COL23A1: variants seen among roughly 807,000 people sequenced by gnomAD.
The protein encoded by COL23A1 is collagen alpha-1(XXIII) chain.
In COL23A1, 97 loss-of-function variants were observed where a neutral mutation model predicts 99.3. That is an observed-to-expected ratio of 0.98 (90% CI 0.83 to 1.16). The LOEUF (loss-of-function observed/expected upper bound fraction) is 1.16. Ranked by LOEUF, COL23A1 falls within the 50% of genes most tolerant of loss-of-function variation. COL23A1 has a pLI of 0.00. For synonymous variants in COL23A1, 320 were observed against 308.2 expected (o/e 1.04, Z -0.40); for missense variants, 762 against 757.4 (o/e 1.01, Z -0.07).
chr5:178,344,987 A>G (rs1760881054), intron 2 of COL23A1: 1 of 583,682 alleles, frequency 1.7e-6, no homozygotes, highest in Non-Finnish European at 3.3e-6. Flanking sequence ...AAAGGAACCT[A>G]TTGCAGTGTG....
At chr5:178,569,663 G>C (rs1271458431) in intron 1 of COL23A1, among the ~76,000 whole-genome samples, 1 of 152,196 alleles carries the variant, frequency 6.6e-6, no homozygotes, top group Non-Finnish European at 1.5e-5. Context: ...AGGTTCTCGA[G>C]GCTGAAATCA....
chr5:178,386,038 A>T (rs1422900855), intron 2 of COL23A1, among the ~76,000 whole-genome samples: 3 of 152,330 alleles, frequency 2.0e-5, no homozygotes, highest in Non-Finnish European at 2.9e-5. Flanking sequence ...CAGCAGCATT[A>T]ATAGGCAGCT....
At chr5:178,548,041 C>CAAA (rs1761800737) in intron 2 of COL23A1, among the ~76,000 whole-genome samples, 2 of 32,622 alleles carry the variant, frequency 6.1e-5, no homozygotes, top group Non-Finnish European at 1.5e-4. Flanking sequence ...ACACCCACCC[C>CAAA]CACACCCACA....
chr5:178,414,519 C>T (rs1313685131), intron 2 of COL23A1, among the ~76,000 whole-genome samples: 1 of 152,104 alleles, frequency 6.6e-6, no homozygotes, highest in Non-Finnish European at 1.5e-5. Flanking sequence ...CGCCTGTGAT[C>T]CCAGCACTGT....
intron 6 of COL23A1, among the ~76,000 whole-genome samples, chr5:178,269,116 C>T (rs1756076936): frequency 6.6e-6 from 1 of 152,130 alleles, no homozygotes. Context: ...ACCACTGCCC[C>T]CAAGCCATCT....
At position 178,251,906 on chromosome 5, in the gene COL23A1, T is replaced by TTCC. The variant is rs1442967073; in HGVS notation, c.1014+637_1014+638insGGA. ...TTTCTTTCTCTCTCTTTCATTTTCT[T>TTCC]TTCTTTTTTTTTTTTTTTTATTTTG... On this transcript the variant is annotated intron_variant, in intron 17 of 28. Coordinates refer to ENST00000390654, the MANE Select transcript of COL23A1 (RefSeq NM_173465.4). Among the ~76,000 whole-genome samples the TTCC allele has an allele frequency of 4.3e-3, 458 of 106,086 alleles. 1 individual carries two copies. Among genetic ancestry groups the TTCC allele is most frequent in the African/African-American group, 0.013 (417 of 31,748 alleles). 69.6% of individuals were successfully genotyped at this position (106,086 alleles called of 152,430 possible). A position where few individuals can be genotyped will look rare whatever the true frequency, so the allele number is the denominator to read the frequency against.
At chr5:178,270,999 T>G (rs552547032) in intron 5 of COL23A1, among the ~76,000 whole-genome samples, 1 of 152,330 alleles carries the variant, frequency 6.6e-6, no homozygotes, top group South Asian at 2.1e-4. Context: ...CTTCCCACAT[T>G]GCTGCAGCCT....
At position 178,281,556 on chromosome 5, in the gene COL23A1, C is replaced by T. The variant is rs1037325971; in HGVS notation, c.441+6768G>A. Among the ~76,000 whole-genome samples, 2 of 152,114 alleles carry T rather than the reference C, an allele frequency of 1.3e-5. No individual in the cohort carries two copies. The highest frequency in any genetic ancestry group is 6.5e-5 in the Admixed American group (1 of 15,270). ...GCTCCGGGGCCCAGGAGGTGCCGTG[C>T]GTGTGGTTTTGGGTGTGCTCAGAGC... On this transcript the variant is annotated intron_variant, in intron 5 of 28. Transcript: ENST00000390654. The surrounding 1 kb of genome is among the most constrained non-coding windows in gnomAD (Gnocchi z 4.0).
At chr5:178,323,462 G>C (rs566479655) in intron 2 of COL23A1, among the ~76,000 whole-genome samples, 3 of 152,268 alleles carry the variant, frequency 2.0e-5, no homozygotes, top group Non-Finnish European at 4.4e-5. Context: ...GGTCTCCCCA[G>C]ACACAAGCAG....
chr5:178,424,518 T>A (rs1304477497), intron 2 of COL23A1, among the ~76,000 whole-genome samples: 2 of 152,192 alleles, frequency 1.3e-5, no homozygotes, highest in Non-Finnish European at 1.5e-5. Context: ...GAACACTTCA[T>A]GCTCTTCTCT....
intron 11 of COL23A1, among the ~76,000 whole-genome samples, chr5:178,261,045 A>G (rs1477619270): frequency 6.6e-6 from 1 of 152,192 alleles, no homozygotes; most frequent in African/African-American, 2.4e-5. Context: ...GGATGTCCAC[A>G]GCGGGGGAGG....
At chr5:178,380,682 G>C (rs116586704) in intron 2 of COL23A1, among the ~76,000 whole-genome samples, 2,900 of 152,298 alleles carry the variant, frequency 0.019, 99 homozygotes, top group African/African-American at 0.066. Flanking sequence ...TGAACAGCAC[G>C]GCCCTGGCTA....
At chr5:178,445,944 G>A (rs536382042) in intron 2 of COL23A1, among the ~76,000 whole-genome samples, 1 of 152,234 alleles carries the variant, frequency 6.6e-6, no homozygotes, top group South Asian at 2.1e-4. Flanking sequence ...CCTGGAAGGG[G>A]CTGAAATGTC....
intron 1 of COL23A1, among the ~76,000 whole-genome samples, chr5:178,568,456 CATA>C (rs563280280): frequency 6.6e-6 from 1 of 152,074 alleles, no homozygotes; most frequent in Non-Finnish European, 1.5e-5. Flanking sequence ...GTGAAATTCA[CATA>C]ATCATTAACA....
chr5:178,385,005 GCT>G (rs941218691), intron 2 of COL23A1, among the ~76,000 whole-genome samples: 30 of 152,318 alleles, frequency 2.0e-4, no homozygotes, highest in African/African-American at 6.5e-4. Flanking sequence ...CACGCCGGGG[GCT>G]CTGTCCCTAG....
intron 3 of COL23A1, among the ~76,000 whole-genome samples, chr5:178,292,753 C>T (rs996555152): frequency 1.3e-5 from 2 of 152,148 alleles, no homozygotes; most frequent in Non-Finnish European, 2.9e-5. Context: ...GTTTTGGCTT[C>T]AGCAACTGAA....
intron 2 of COL23A1, among the ~76,000 whole-genome samples, chr5:178,499,954 C>T (rs770866328): frequency 1.3e-5 from 2 of 152,120 alleles, no homozygotes; most frequent in Non-Finnish European, 1.5e-5. Flanking sequence ...CCATATCAAG[C>T]AAAATGGTCC....
intron 1 of COL23A1, among the ~76,000 whole-genome samples, chr5:178,584,926 G>C (rs1302577809): frequency 6.6e-6 from 1 of 152,124 alleles, no homozygotes; most frequent in Non-Finnish European, 1.5e-5. Context: ...CTATGATATG[G>C]GAAAGCTGGC....
At chr5:178,536,450 G>A (rs1581588295) in intron 2 of COL23A1, among the ~76,000 whole-genome samples, 1 of 152,252 alleles carries the variant, frequency 6.6e-6, no homozygotes, top group South Asian at 2.1e-4. Context: ...GGTCCCAGGT[G>A]TGGCTGCTTC....
Sources: gnomAD v4.1 joint callset for allele counts (sites outside exome capture counted in the v4.1 genomes callset) on GRCh38, gnomAD v4.1.1 for gene constraint, Gnocchi (gnomAD v3.1) non-coding constraint, MANE v1.5 for transcripts, NCBI Gene and HGNC (gene_info 2026-07-23, HGNC 2026-07-21) for gene names.